BMP7: variants seen among roughly 807,000 people sequenced by gnomAD.
BMP7 encodes bone morphogenetic protein 7.
A neutral mutation model predicts 41.2 loss-of-function variants in BMP7; 12 were observed. The observed-to-expected ratio is 0.29, with a 90% CI of 0.19 to 0.47. BMP7 has a LOEUF of 0.47. Ranked by LOEUF, BMP7 falls within the 20% of genes least tolerant of loss-of-function variation. The pLI is 0.99. For missense variants in BMP7, 467 were observed against 606.0 expected (o/e 0.77, Z 2.41); for synonymous variants, 248 against 250.0 (o/e 0.99, Z 0.07).
rs1462734693 is a variant in BMP7, at chr20:57,224,791, A to C, written c.611+3438T>G. The C allele has an allele frequency of 6.6e-6, 1 of 152,388 alleles. No homozygotes were observed. The highest frequency in any genetic ancestry group is 6.5e-5 in the Admixed American group (1 of 15,290). The allele number at this position is 152,388 out of a possible 1,614,324, so 9.4% of individuals were successfully genotyped here. On this transcript the variant is annotated intron_variant, in intron 2 of 6. Coordinates refer to ENST00000395863, the MANE Select transcript of BMP7 (RefSeq NM_001719.3). This position sits in a 1 kb window ranked among gnomAD's most constrained non-coding sequence, Gnocchi z 4.8. ...GCCCCCACTCGCTCCACAGCCCGCC[A>C]AGGGCGGCTCCAACATGTCTTTCCA...
At position 57,224,983 on chromosome 20, in the gene BMP7, G is replaced by A. The variant is rs172983; in HGVS notation, c.611+3246C>T. On this transcript the variant is annotated intron_variant, in intron 2 of 6. Coordinates refer to ENST00000395863, the MANE Select transcript of BMP7 (RefSeq NM_001719.3). This position sits in a 1 kb window ranked among gnomAD's most constrained non-coding sequence, Gnocchi z 4.8. Reference sequence around the variant, plus strand: ...GCTGACCCAAAGCCGGCTAATCCTCGGCACCCCCGGGGCTTTCCTGGAGCT... The same window carrying A: ...GCTGACCCAAAGCCGGCTAATCCTCAGCACCCCCGGGGCTTTCCTGGAGCT... 0.15 allele frequency: 22,105 copies of A among 152,410 alleles called. 1,837 individuals carry two copies. Among genetic ancestry groups the A allele is most frequent in the East Asian group, 0.33 (1,709 of 5,174 alleles). 9.4% of individuals were successfully genotyped at this position (152,410 alleles called of 1,614,324 possible). A position where few individuals can be genotyped will look rare whatever the true frequency, so the allele number is the denominator to read the frequency against.
At position 57,266,080 on chromosome 20, in the gene BMP7, C is replaced by A; in HGVS notation, c.43G>T (p.Val15Leu). Residue 15 changes from valine to leucine, a missense_variant, in exon 1 of 7, where the codon GTG becomes TTG. Around this residue, in one of 2 missense-constraint regions of BMP7, gnomAD observed 407 missense variants for 485.9 expected, o/e 0.84. Transcript: ENST00000395863. ...SLRAAAPHSF[V>L]ALWAPLFLLR... ...AGGAACAGGGGTGCCCAGAGCGCCA[C>A]GAAGCTGTGCGGCGCCGCAGCTCGC... 6.5e-7 allele frequency: 1 copy of A among 1,538,124 alleles called. No individual in the cohort carries two copies. The highest frequency in any genetic ancestry group is 8.7e-7 in the Non-Finnish European group (1 of 1,146,618).
Position 57,243,981 on chromosome 20 carries a change from C to G in BMP7, c.419-15560G>C, listed in dbSNP as rs1260046761. ...CCGGGCGAGAGGGCGAGTCTCGGCT[C>G]TGCCACTTGCTGGGGCGCGTCACTC... On this transcript the variant is annotated intron_variant, in intron 1 of 6. Transcript: ENST00000395863. The G allele has an allele frequency of 2.0e-5, 3 of 150,850 alleles. No homozygotes were observed. The South Asian group carries it at 6.3e-4, about 32-fold the overall frequency. 9.3% of individuals were successfully genotyped at this position (150,850 alleles called of 1,614,324 possible).
intron 2 of BMP7, among the ~76,000 whole-genome samples, chr20:57,220,713 CG>C (rs777577788): frequency 1.3e-5 from 2 of 152,136 alleles, no homozygotes; most frequent in Non-Finnish European, 2.9e-5. Flanking sequence ...CTGTAAATAA[CG>C]TAATTATAAT....
At chr20:57,225,391 A>C (rs915211501) in intron 2 of BMP7, among the ~76,000 whole-genome samples, 1 of 152,146 alleles carries the variant, frequency 6.6e-6, no homozygotes, top group Non-Finnish European at 1.5e-5. Flanking sequence ...GTCTTGCTCC[A>C]CTTCCTGCTG....
At chr20:57,216,092 C>T (rs572789294) in intron 2 of BMP7, among the ~76,000 whole-genome samples, 3 of 152,216 alleles carry the variant, frequency 2.0e-5, no homozygotes, top group East Asian at 1.9e-4. Context: ...AAGGCCAGAG[C>T]GGGCTGTTCT....
At chr20:57,233,490 G>A (rs780491492) in intron 1 of BMP7, among the ~76,000 whole-genome samples, 1 of 152,220 alleles carries the variant, frequency 6.6e-6, no homozygotes, top group Non-Finnish European at 1.5e-5. Context: ...ATTCTGGGCT[G>A]GAAGGTGTCA....
At position 57,202,542 on chromosome 20, in the gene BMP7, G is replaced by C. The variant is rs764881969; in HGVS notation, c.693C>G (p.Thr231=). The stretch of plus-strand genomic sequence containing the variant: ...GCGGATTGACCACCCAGTGGTTGCT[G>C]GTGGCTGTGATGTCAAACACCAGCC... ...EGWLVFDITA[T]SNHWVVNPRH... Residue 231 remains threonine (T), a synonymous_variant, in exon 3 of 7, where the codon ACC becomes ACG. Transcript: ENST00000395863. 15 of 1,611,336 alleles carry C rather than the reference G, an allele frequency of 9.3e-6. No homozygotes were observed. Among genetic ancestry groups the C allele is most frequent in the African/African-American group, 1.3e-5 (1 of 74,784 alleles).
In BMP7 at chr20:57,244,834, C is replaced by G. The variant is rs556987197; in HGVS notation, c.419-16413G>C. Among the ~76,000 whole-genome samples the G allele has an allele frequency of 3.9e-5, 6 of 152,208 alleles. No homozygotes were observed. In the East Asian group the frequency reaches 1.2e-3, roughly 29 times the overall value. On this transcript the variant is annotated intron_variant, in intron 1 of 6. Transcript: ENST00000395863. The stretch of plus-strand genomic sequence containing the variant: ...GGAGGAGCCTGCTCAGACCTTCCCC[C>G]CAGAGCAGCCAGAGAGGCTTGGGTC...
intron 1 of BMP7, among the ~76,000 whole-genome samples, chr20:57,263,564 C>T (rs936185087): frequency 4.7e-4 from 71 of 152,122 alleles, no homozygotes; most frequent in Non-Finnish European, 1.0e-4. Flanking sequence ...CTGCAGAAGC[C>T]AGAGATTACA....
intron 1 of BMP7, among the ~76,000 whole-genome samples, chr20:57,263,956 G>T (rs1568733788): frequency 6.6e-6 from 1 of 152,026 alleles, no homozygotes; most frequent in African/African-American, 2.4e-5. Context: ...AGGACACGAT[G>T]ATATACAAGC....
At position 57,200,857 on chromosome 20, in the gene BMP7, G is replaced by A. The variant is rs531670227; in HGVS notation, c.760+1618C>T. 2.6e-3 allele frequency among the ~76,000 whole-genome samples: 391 copies of A among 151,852 alleles called. 1 individual carries two copies. Among genetic ancestry groups the A allele is most frequent in the Middle Eastern group, 6.8e-3 (2 of 292 alleles). On this transcript the variant is annotated intron_variant, in intron 3 of 6. Coordinates refer to ENST00000395863, the MANE Select transcript of BMP7 (RefSeq NM_001719.3). ...ATTGGTCCTAGAGCTACACTCAAAC[G>A]AAAAACGACCTACACACCAAGGTTT...
At chr20:57,234,911 T>TA (rs1376726199) in intron 1 of BMP7, among the ~76,000 whole-genome samples, 1 of 152,378 alleles carries the variant, frequency 6.6e-6, no homozygotes, top group African/African-American at 2.4e-5. Context: ...GTACACACAG[T>TA]AAGGCACACA....
chr20:57,265,481 C>A (rs992926997), intron 1 of BMP7, among the ~76,000 whole-genome samples: 1 of 152,260 alleles, frequency 6.6e-6, no homozygotes, highest in East Asian at 1.9e-4. Context: ...GAGGATCCCT[C>A]CTTCCCAGTA....
In BMP7 at chr20:57,183,894, C is replaced by T. The variant is rs779710365; in HGVS notation, c.786G>A (p.Ala262=). ...GGGGCCCGTGCCGCCCAATCAGGCC[C>T]GCCAACTTGGGGTTGATGCTCTGCC... ...LDGQSINPKL[A]GLIGRHGPQN... Residue 262 remains alanine (A), a synonymous_variant, in exon 4 of 7, where the codon GCG becomes GCA. Transcript: ENST00000395863. 76 of 1,613,988 alleles carry T rather than the reference C, an allele frequency of 4.7e-5. No homozygotes were observed. The highest frequency in any genetic ancestry group is 2.3e-4 in the African/African-American group (17 of 75,040).
intron 3 of BMP7, among the ~76,000 whole-genome samples, chr20:57,187,525 C>T (rs1048823014): frequency 2.0e-5 from 3 of 151,908 alleles, no homozygotes; most frequent in Admixed American, 6.6e-5. Flanking sequence ...AAAGAAGCCT[C>T]CCACTCTAGT....
At chr20:57,211,114 C>G (rs1225708009) in intron 2 of BMP7, among the ~76,000 whole-genome samples, 1 of 152,228 alleles carries the variant, frequency 6.6e-6, no homozygotes, top group Non-Finnish European at 1.5e-5. Context: ...GCCCTCAGCA[C>G]CCTGACACCT....
At chr20:57,203,313 G>C (rs970896956) in intron 2 of BMP7, among the ~76,000 whole-genome samples, 33 of 152,276 alleles carry the variant, frequency 2.2e-4, no homozygotes, top group Middle Eastern at 3.4e-3. Flanking sequence ...GTAGCAAAAT[G>C]GGTAAAATCA....
chr20:57,265,059 A>AAAG (rs151259386), intron 1 of BMP7, among the ~76,000 whole-genome samples: 4 of 129,844 alleles, frequency 3.1e-5, no homozygotes, highest in African/African-American at 1.4e-4. Flanking sequence ...AAAGAAAAGA[A>AAAG]AAAAAAAGAA....
Sources: allele counts gnomAD v4.1 joint callset (sites outside exome capture counted in the v4.1 genomes callset), GRCh38; gene constraint gnomAD v4.1.1; regional missense constraint gnomAD v4.1.1; non-coding constraint Gnocchi (gnomAD v3.1); transcripts MANE v1.5; gene names NCBI Gene and HGNC (gene_info 2026-07-23, HGNC 2026-07-21).